Variants in SLC4A10 observed in about 807,000 individuals in gnomAD.
The protein encoded by SLC4A10 is sodium-driven chloride bicarbonate exchanger.
Under a neutral mutation model 137.7 loss-of-function variants are expected in SLC4A10, and 42 were observed. The observed-to-expected ratio is 0.30, with a 90% confidence interval of 0.24 to 0.39. SLC4A10 has a LOEUF of 0.39. Ranked by LOEUF, SLC4A10 falls within the 10% of genes least tolerant of loss-of-function variation. The pLI, the probability that SLC4A10 is intolerant of heterozygous loss-of-function variation, is 1.00. For synonymous variants in SLC4A10, 474 were observed against 464.1 expected (o/e 1.02, Z -0.27); for missense variants, 925 against 1,355.0 (o/e 0.68, Z 4.98).
chr2:161,755,482 AG>A (rs1396749832), intron 1 of SLC4A10, among the ~76,000 whole-genome samples: 2 of 152,110 alleles, frequency 1.3e-5, no homozygotes, highest in East Asian at 3.9e-4. Flanking sequence ...GTGATTTTCA[AG>A]GGTTCTCCAG....
intron 1 of SLC4A10, among the ~76,000 whole-genome samples, chr2:161,726,688 C>G (rs1022477487): frequency 3.3e-5 from 5 of 152,176 alleles, no homozygotes; most frequent in Admixed American, 1.3e-4. Flanking sequence ...GCAGGCAGAT[C>G]ATTTGCAGTC....
At chr2:161,910,897 T>C (rs940980344) in intron 15 of SLC4A10, among the ~76,000 whole-genome samples, 1 of 151,982 alleles carries the variant, frequency 6.6e-6, no homozygotes, top group Non-Finnish European at 1.5e-5. Context: ...CATTTAACAA[T>C]GAGAATTTCA....
intron 1 of SLC4A10, among the ~76,000 whole-genome samples, chr2:161,668,214 G>A (rs2039301316): frequency 6.6e-6 from 1 of 151,730 alleles, no homozygotes; most frequent in African/African-American, 2.4e-5. Flanking sequence ...GAATTTTGCA[G>A]TTAAGATAAA....
At chr2:161,715,756 G>A (rs1289484687) in intron 1 of SLC4A10, among the ~76,000 whole-genome samples, 1 of 152,088 alleles carries the variant, frequency 6.6e-6, no homozygotes, top group Admixed American at 6.6e-5. Context: ...GGGCATTTGG[G>A]TTGATTCCAT....
rs541208033 is a variant in SLC4A10 at position 161,870,131 on chromosome 2, ATAT to A, written c.767-2155_767-2153del. 2.2e-3 allele frequency among the ~76,000 whole-genome samples: 337 copies of A among 151,214 alleles called. 1 individual carries two copies. Among genetic ancestry groups the A allele is most frequent in the African/African-American group, 7.6e-3 (314 of 41,470 alleles). ...GAATAGCATACAACAATCTCAAAAT[ATAT>A]TATTATAATTATTACATAAAATATT... On this transcript the variant is annotated intron_variant, in intron 6 of 26. Coordinates refer to ENST00000446997, the MANE Select transcript of SLC4A10 (RefSeq NM_001178015.2).
intron 1 of SLC4A10, among the ~76,000 whole-genome samples, chr2:161,687,171 C>A (rs912784924): frequency 2.0e-5 from 3 of 152,062 alleles, no homozygotes; most frequent in African/African-American, 4.8e-5. Flanking sequence ...CCGCCCCCAG[C>A]CTTAAGAAGA....
chr2:161,909,409 T>C (rs1685281125), intron 15 of SLC4A10, among the ~76,000 whole-genome samples: 1 of 152,234 alleles, frequency 6.6e-6, no homozygotes, highest in African/African-American at 2.4e-5. Flanking sequence ...CTGATGACTG[T>C]GTTCCATTGC....
intron 5 of SLC4A10, 51 bp from the exon 6 acceptor site, chr2:161,862,823 C>G: frequency 7.2e-7 from 1 of 1,398,070 alleles, no homozygotes; most frequent in Non-Finnish European, 9.4e-7. Context: ...ACGGCTGGCA[C>G]ACGTTCTAGA....
At chr2:161,767,169 T>C (rs1289271100) in intron 1 of SLC4A10, among the ~76,000 whole-genome samples, 2 of 41,930 alleles carry the variant, frequency 4.8e-5, no homozygotes, top group Non-Finnish European at 8.8e-5. Context: ...GTGTGTTTTA[T>C]TTATATATAT....
chr2:161,894,455 T>C (rs1345912623), intron 10 of SLC4A10, among the ~76,000 whole-genome samples: 1 of 152,014 alleles, frequency 6.6e-6, no homozygotes, highest in Non-Finnish European at 1.5e-5. Context: ...TCCTTCCCTC[T>C]AGAAATTTCA....
At chr2:161,693,750 A>G (rs2042227078) in intron 1 of SLC4A10, among the ~76,000 whole-genome samples, 1 of 143,804 alleles carries the variant, frequency 7.0e-6, no homozygotes, top group Non-Finnish European at 1.5e-5. Context: ...GGCTCATTTC[A>G]CTTACCAAAA....
chr2:161,977,169 TC>T (rs1559673822), intron 25 of SLC4A10: 1 of 293,110 alleles, frequency 3.4e-6, no homozygotes, highest in Non-Finnish European at 6.4e-6. Context: ...ATCACCCACT[TC>T]CCCCAGGACC....
intron 1 of SLC4A10, among the ~76,000 whole-genome samples, chr2:161,689,790 C>T (rs930913789): frequency 2.0e-5 from 3 of 152,124 alleles, no homozygotes; most frequent in Non-Finnish European, 4.4e-5. Flanking sequence ...ATGCAATAAG[C>T]ACAGCAGGCT....
intron 15 of SLC4A10, among the ~76,000 whole-genome samples, chr2:161,934,557 T>C (rs897394719): frequency 1.3e-5 from 2 of 152,186 alleles, no homozygotes; most frequent in Non-Finnish European, 2.9e-5. Context: ...TTTTCCTTAT[T>C]CATTCATCTG....
intron 1 of SLC4A10, among the ~76,000 whole-genome samples, chr2:161,718,353 C>T (rs2125100954): frequency 6.6e-6 from 1 of 152,028 alleles, no homozygotes; most frequent in African/African-American, 2.4e-5. Context: ...GGTTTGTTTG[C>T]TCTTGGTTCT....
At chr2:161,643,106 A>G (rs2035536090) in intron 1 of SLC4A10, among the ~76,000 whole-genome samples, 1 of 152,046 alleles carries the variant, frequency 6.6e-6, no homozygotes, top group Non-Finnish European at 1.5e-5. Context: ...AGGCCAAGGT[A>G]ATATGTAATT....
At chr2:161,642,745 T>C (rs995969820) in intron 1 of SLC4A10, among the ~76,000 whole-genome samples, 7 of 151,900 alleles carry the variant, frequency 4.6e-5, no homozygotes, top group African/African-American at 1.7e-4. Context: ...ATAAGAAAAA[T>C]ATTGCACTGC....
chr2:161,645,497 C>T (rs913986838), intron 1 of SLC4A10, among the ~76,000 whole-genome samples: 1 of 151,780 alleles, frequency 6.6e-6, no homozygotes, highest in Admixed American at 6.6e-5. Context: ...CCCCAGTTTT[C>T]CCCAAGTGAA....
intron 7 of SLC4A10, 33 bp downstream of exon 7, chr2:161,872,417 G>A: frequency 6.6e-7 from 1 of 1,514,768 alleles, no homozygotes. Flanking sequence ...TAAGTAAGTT[G>A]CTAAATTACT....
Sources: gnomAD v4.1 joint callset for allele counts (sites outside exome capture counted in the v4.1 genomes callset) on GRCh38, gnomAD v4.1.1 for gene constraint, MANE v1.5 for transcripts, NCBI Gene and HGNC (gene_info 2026-07-23, HGNC 2026-07-21) for gene names.